Variants in RUNX2 observed in about 807,000 individuals in gnomAD.
RUNX2 encodes the protein RUNX family transcription factor 2.
RUNX2 carries 10 observed loss-of-function variants against 51.7 expected under a neutral mutation model. The observed-to-expected ratio is 0.19, with a 90% CI of 0.12 to 0.33. The LOEUF is 0.33. Among genes scored for constraint, RUNX2 ranks in the 10% least tolerant of loss-of-function variants. The probability of loss-of-function intolerance (pLI) is 1.00; values close to 1 mark genes in which losing one functional copy is unlikely to be tolerated. For missense variants in RUNX2, 562 were observed against 691.3 expected (o/e 0.81, Z 2.10); for synonymous variants, 276 against 273.6 (o/e 1.01, Z -0.09).
chr6:45,491,691 A>G (rs1563109715), intron 5 of RUNX2, among the ~76,000 whole-genome samples: 2 of 130,936 alleles, frequency 1.5e-5, no homozygotes, highest in Non-Finnish European at 3.1e-5. Flanking sequence ...CTCTCTATTG[A>G]TGCTTGACTT....
chr6:45,470,801 C>T (rs1799778607), intron 5 of RUNX2, among the ~76,000 whole-genome samples: 1 of 152,178 alleles, frequency 6.6e-6, no homozygotes, highest in African/African-American at 2.4e-5. Context: ...TGAAGACATG[C>T]CTCAAACTCT....
chr6:45,491,859 T>A (rs1800485784), intron 5 of RUNX2, 82 bp from the exon 6 acceptor site: 2 of 1,392,582 alleles, frequency 1.4e-6, no homozygotes, highest in Non-Finnish European at 2.0e-6. Context: ...AAACTCCCAG[T>A]TTGTATGTTC....
intron 5 of RUNX2, among the ~76,000 whole-genome samples, chr6:45,463,931 C>A (rs144910654): frequency 1.3e-5 from 2 of 152,152 alleles, no homozygotes; most frequent in Non-Finnish European, 2.9e-5. Flanking sequence ...CGGTGGCTCA[C>A]GCCTGTAATC....
chr6:45,382,021 A>T (rs920034057), intron 2 of RUNX2, among the ~76,000 whole-genome samples: 1 of 152,204 alleles, frequency 6.6e-6, no homozygotes, highest in African/African-American at 2.4e-5. Flanking sequence ...GCTGCTGAAA[A>T]AATGATTATG....
chr6:45,526,797 G>C (rs2150435123), intron 7 of RUNX2, among the ~76,000 whole-genome samples: 1 of 152,202 alleles, frequency 6.6e-6, no homozygotes, highest in South Asian at 2.1e-4. Flanking sequence ...GTGCCTGTGG[G>C]GAGGTAACTT....
intron 5 of RUNX2, among the ~76,000 whole-genome samples, chr6:45,453,516 C>G (rs919682737): frequency 2.6e-5 from 4 of 152,172 alleles, no homozygotes; most frequent in Non-Finnish European, 5.9e-5. Context: ...TATCTGTTCT[C>G]CCCTGAGGAC....
intron 2 of RUNX2, among the ~76,000 whole-genome samples, chr6:45,407,824 T>G (rs1582079944): frequency 6.6e-6 from 1 of 150,770 alleles, no homozygotes; most frequent in Admixed American, 6.6e-5. Context: ...AATGGTGTAT[T>G]TTTTTTTTGC....
chr6:45,437,137 T>C (rs530517925), intron 4 of RUNX2, among the ~76,000 whole-genome samples: 1 of 152,350 alleles, frequency 6.6e-6, no homozygotes, highest in South Asian at 2.1e-4. Flanking sequence ...TTTCCCTGTC[T>C]CTTTTCCCCT....
At chr6:45,383,820 C>T (rs534795609) in intron 2 of RUNX2, among the ~76,000 whole-genome samples, 2 of 152,156 alleles carry the variant, frequency 1.3e-5, no homozygotes, top group Non-Finnish European at 2.9e-5. Flanking sequence ...ATAAAATAAA[C>T]TACAGTGTGG....
intron 7 of RUNX2, among the ~76,000 whole-genome samples, chr6:45,541,461 A>G (rs144882082): frequency 8.5e-4 from 130 of 152,324 alleles, no homozygotes; most frequent in African/African-American, 2.8e-3. Flanking sequence ...AGCTCCACAT[A>G]GGTCTTGTGT....
At chr6:45,406,703 A>G (rs2150354772) in intron 2 of RUNX2, among the ~76,000 whole-genome samples, 1 of 152,234 alleles carries the variant, frequency 6.6e-6, no homozygotes, top group Middle Eastern at 3.4e-3. Flanking sequence ...GTTTTATTGC[A>G]TGTTAAATAG....
At chr6:45,399,722 AG>A (rs1797662562) in intron 2 of RUNX2, among the ~76,000 whole-genome samples, 1 of 146,234 alleles carries the variant, frequency 6.8e-6, no homozygotes, top group Admixed American at 6.8e-5. Flanking sequence ...AGAGGGAGGT[AG>A]GGAGGCAAGT....
intron 7 of RUNX2, among the ~76,000 whole-genome samples, chr6:45,523,095 T>G (rs1296631934): frequency 6.6e-6 from 1 of 152,208 alleles, no homozygotes; most frequent in African/African-American, 2.4e-5. Context: ...CTATTATTTG[T>G]GATATTAATA....
intron 3 of RUNX2, among the ~76,000 whole-genome samples, chr6:45,423,708 C>T (rs1798302309): frequency 6.6e-6 from 1 of 152,170 alleles, no homozygotes; most frequent in African/African-American, 2.4e-5. Flanking sequence ...AGGGCGGGGG[C>T]GTTTGCTCTG....
At chr6:45,431,798 A>G in intron 3 of RUNX2, 65 bp from the exon 4 acceptor site, 1 of 1,545,456 alleles carries the variant, frequency 6.5e-7, no homozygotes, top group Non-Finnish European at 8.9e-7. Flanking sequence ...TGCAATGAGA[A>G]TATATTCTGT....
At chr6:45,467,180 C>T (rs1435600806) in intron 5 of RUNX2, among the ~76,000 whole-genome samples, 1 of 152,234 alleles carries the variant, frequency 6.6e-6, no homozygotes, top group Non-Finnish European at 1.5e-5. Context: ...TTGGTGACCC[C>T]TTCTGCCTCC....
intron 8 of RUNX2, among the ~76,000 whole-genome samples, 168 bp from the exon 9 acceptor site, chr6:45,546,659 G>C (rs982923461): frequency 3.3e-5 from 5 of 152,098 alleles, no homozygotes; most frequent in African/African-American, 1.2e-4. Context: ...ACTGCAAAGT[G>C]GGGGAAAAAG....
chr6:45,491,621 T>C (rs1800468022), intron 5 of RUNX2, among the ~76,000 whole-genome samples: 1 of 138,784 alleles, frequency 7.2e-6, no homozygotes, highest in Non-Finnish European at 1.6e-5. Context: ...CTCTCCTGTT[T>C]GTTTTTTTTT....
intron 2 of RUNX2, among the ~76,000 whole-genome samples, chr6:45,368,209 T>C (rs1359129438): frequency 1.3e-5 from 2 of 152,194 alleles, no homozygotes; most frequent in African/African-American, 4.8e-5. Flanking sequence ...TGAATTCAGA[T>C]GTGCAGATTG....
Sources: allele counts gnomAD v4.1 joint callset (sites outside exome capture counted in the v4.1 genomes callset), GRCh38; gene constraint gnomAD v4.1.1; transcripts MANE v1.5; gene names NCBI Gene and HGNC (gene_info 2026-07-23, HGNC 2026-07-21).